Variants in GLCCI1 observed in about 807,000 individuals in gnomAD.
GLCCI1 encodes the protein glucocorticoid-induced transcript 1 protein.
GLCCI1 carries 24 observed loss-of-function variants against 52.2 expected under a neutral mutation model. The observed-to-expected ratio is 0.46, with a 90% CI of 0.33 to 0.65. The LOEUF (loss-of-function observed/expected upper bound fraction) is 0.65. GLCCI1 is among the 30% of genes least tolerant of loss of function. The pLI, the probability that GLCCI1 is intolerant of heterozygous loss-of-function variation, is 0.02. For missense variants in GLCCI1, 704 were observed against 701.5 expected (o/e 1.00, Z -0.04); for synonymous variants, 310 against 276.5 (o/e 1.12, Z -1.20).
chr7:8,021,089 T>G (rs1781475430), intron 2 of GLCCI1, among the ~76,000 whole-genome samples: 1 of 152,214 alleles, frequency 6.6e-6, no homozygotes, highest in African/African-American at 2.4e-5. Flanking sequence ...ATTTTTGTGT[T>G]TATTCAGCTA....
chr7:8,073,040 A>G (rs1467435866), intron 6 of GLCCI1, among the ~76,000 whole-genome samples: 1 of 152,134 alleles, frequency 6.6e-6, no homozygotes, highest in African/African-American at 2.4e-5. Flanking sequence ...TTTTTCCTAA[A>G]TATGTATAAT....
chr7:7,974,696 A>G (rs968278438), intron 1 of GLCCI1, among the ~76,000 whole-genome samples: 4 of 152,166 alleles, frequency 2.6e-5, no homozygotes, highest in Non-Finnish European at 4.4e-5. Context: ...AAAAAATTCT[A>G]AAAGTCTGTT....
chr7:8,005,615 A>G (rs1781133455), intron 2 of GLCCI1, among the ~76,000 whole-genome samples: 1 of 152,174 alleles, frequency 6.6e-6, no homozygotes, highest in South Asian at 2.1e-4. Flanking sequence ...CTCCATTTTT[A>G]TTATTACTGA....
chr7:8,043,436 C>G (rs1315846150), intron 3 of GLCCI1, among the ~76,000 whole-genome samples: 2 of 151,788 alleles, frequency 1.3e-5, no homozygotes, highest in African/African-American at 4.8e-5. Flanking sequence ...GCCAGCAGAA[C>G]ATAGCTTGCC....
intron 1 of GLCCI1, among the ~76,000 whole-genome samples, chr7:7,998,176 G>GTTTTTTTTTTTTTTT (rs71014742): frequency 7.0e-6 from 1 of 143,682 alleles, no homozygotes; most frequent in Non-Finnish European, 1.5e-5. Context: ...AGTTTTTTTT[G>GTTTTTTTTTTTTTTT]TTTTTTTTTT....
intron 6 of GLCCI1, among the ~76,000 whole-genome samples, chr7:8,079,622 T>G (rs1470372019): frequency 1.3e-5 from 2 of 151,614 alleles, no homozygotes; most frequent in Non-Finnish European, 2.9e-5. Context: ...ATCAAGATTA[T>G]GTTGTGGAAG....
chr7:7,971,041 A>G (rs1423853196), intron 1 of GLCCI1, among the ~76,000 whole-genome samples: 4 of 152,004 alleles, frequency 2.6e-5, no homozygotes, highest in Admixed American at 6.6e-5. Context: ...AATATTTCAG[A>G]CCCGTAATTA....
In GLCCI1 at chr7:8,055,414, T is replaced by C. The variant is rs1782363006; in HGVS notation, c.697-19T>C. ...TTCACTTTTATTCTCTTCTTACTTC[T>C]CTTTCCCTGTCCCCAAAGCAGATCG... On this transcript the variant is annotated intron_variant, in intron 3 of 7. Coordinates refer to ENST00000223145, the MANE Select transcript of GLCCI1 (RefSeq NM_138426.4). 6.6e-7 allele frequency: 1 copy of C among 1,515,810 alleles called. No individual in the cohort carries two copies. The highest frequency in any genetic ancestry group is 1.4e-5 in the African/African-American group (1 of 72,932). 93.9% of individuals were successfully genotyped at this position (1,515,810 alleles called of 1,614,324 possible). A position where few individuals can be genotyped will look rare whatever the true frequency, so the allele number is the denominator to read the frequency against.
chr7:8,029,032 C>G (rs1034400267), intron 3 of GLCCI1, among the ~76,000 whole-genome samples: 2 of 152,022 alleles, frequency 1.3e-5, no homozygotes, highest in Non-Finnish European at 2.9e-5. Flanking sequence ...TTAAAGAACA[C>G]CTAGTACCAA....
At chr7:8,008,437 C>T (rs912906150) in intron 2 of GLCCI1, among the ~76,000 whole-genome samples, 1 of 152,044 alleles carries the variant, frequency 6.6e-6, no homozygotes, top group Non-Finnish European at 1.5e-5. Flanking sequence ...GCTGGGACTA[C>T]AGGCCCCTGC....
chr7:7,995,030 G>C (rs758054994), intron 1 of GLCCI1, among the ~76,000 whole-genome samples: 27 of 152,144 alleles, frequency 1.8e-4, no homozygotes, highest in Non-Finnish European at 3.7e-4. Context: ...TGTGTTTTGT[G>C]TATGTCTGTG....
At chr7:8,069,904 T>C (rs17142679) in intron 5 of GLCCI1, among the ~76,000 whole-genome samples, 11,297 of 152,286 alleles carry the variant, frequency 0.074, 524 homozygotes, top group East Asian at 0.23. Flanking sequence ...TAACAGCATA[T>C]TGGTTCTTTT....
At chr7:8,035,387 G>C (rs1302894445) in intron 3 of GLCCI1, among the ~76,000 whole-genome samples, 4 of 152,222 alleles carry the variant, frequency 2.6e-5, no homozygotes, top group Admixed American at 2.6e-4. Context: ...CTCCTCTGCA[G>C]CTTGTCCACT....
chr7:8,067,518 C>T (rs533502007), intron 5 of GLCCI1, among the ~76,000 whole-genome samples: 1 of 152,270 alleles, frequency 6.6e-6, no homozygotes, highest in East Asian at 1.9e-4. Context: ...AACGTTCTTT[C>T]CTTTCCAGAT....
intron 2 of GLCCI1, among the ~76,000 whole-genome samples, chr7:8,010,237 C>G (rs1328966032): frequency 6.6e-6 from 1 of 152,180 alleles, no homozygotes; most frequent in Non-Finnish European, 1.5e-5. Context: ...AACAAGCTTT[C>G]TGCAAGTGAA....
chr7:8,022,713 G>C, intron 3 of GLCCI1, 144 bp downstream of exon 3: 1 of 345,600 alleles, frequency 2.9e-6, no homozygotes, highest in Non-Finnish European at 5.2e-6. Flanking sequence ...GGTAAGGTTA[G>C]AATAAATTCT....
Position 8,046,089 on chromosome 7 carries a change from ATAAAAT to A in GLCCI1, c.697-9339_697-9334del, listed in dbSNP as rs942762486. Among the ~76,000 whole-genome samples the A allele has an allele frequency of 3.9e-5, 6 of 152,212 alleles. No homozygotes were observed. The South Asian group carries it at 6.2e-4, about 16-fold the overall frequency. On this transcript the variant is annotated intron_variant, in intron 3 of 7. Transcript: ENST00000223145. ...CTTGCAAATCTTGTAACAAAATTTG[ATAAAAT>A]TAAATAAACTGTTGGATGGATTAAA...
chr7:8,066,326 A>ATTAATT, intron 5 of GLCCI1, among the ~76,000 whole-genome samples: 1 of 152,038 alleles, frequency 6.6e-6, no homozygotes, highest in Middle Eastern at 3.4e-3. Flanking sequence ...TCATTCTTTC[A>ATTAATT]AAGAATTAAT....
chr7:8,015,089 C>T (rs1046630640), intron 2 of GLCCI1, among the ~76,000 whole-genome samples: 10 of 152,142 alleles, frequency 6.6e-5, no homozygotes, highest in Admixed American at 1.3e-4. Flanking sequence ...AAGTAGTTAG[C>T]ATTTGGCTTT....
Sources: allele counts gnomAD v4.1 joint callset (sites outside exome capture counted in the v4.1 genomes callset), GRCh38; gene constraint gnomAD v4.1.1; transcripts MANE v1.5; gene names NCBI Gene and HGNC (gene_info 2026-07-23, HGNC 2026-07-21).